The following RFTN1 variants were observed in gnomAD, a reference collection of about 807,000 sequenced individuals.
The protein encoded by RFTN1 is raftlin, lipid raft linker 1, also known as raftlin.
A neutral mutation model predicts 46.5 loss-of-function variants in RFTN1; 26 were observed. That is an observed-to-expected ratio of 0.56 (90% CI 0.41 to 0.78). RFTN1 has a LOEUF of 0.78. RFTN1 is among the 30% of genes least tolerant of loss of function. The pLI is 0.00. For synonymous variants in RFTN1, 261 were observed against 284.2 expected (o/e 0.92, Z 0.82); for missense variants, 693 against 718.7 (o/e 0.96, Z 0.41).
chr3:16,458,311 T>C lies in RFTN1; in HGVS notation c.146-24274A>G, dbSNP rs934102890. ...ATGGAAATAGATTGCTGCAGCATGT[T>C]CTGCTGTATTATTCAGGTCCAGGTA... On this transcript the variant is annotated intron_variant, in intron 2 of 9. Transcript: ENST00000334133. This position sits in a 1 kb window ranked among gnomAD's most constrained non-coding sequence, Gnocchi z 5.1. Among the ~76,000 whole-genome samples the C allele has an allele frequency of 2.6e-5, 4 of 152,228 alleles. No individual in the cohort carries two copies. Among genetic ancestry groups the C allele is most frequent in the African/African-American group, 9.6e-5 (4 of 41,456 alleles).
In RFTN1 at chr3:16,465,392, C is replaced by A. The variant is rs2076072029; in HGVS notation, c.145+28333G>T. ...TTCTCTGAGCACAGGAAAAAAATAT[C>A]CCCAACAGAGGTTGGCAGCTCAGAG... On this transcript the variant is annotated intron_variant, in intron 2 of 9. Transcript: ENST00000334133. The surrounding 1 kb of genome is among the most constrained non-coding windows in gnomAD (Gnocchi z 5.1). Among the ~76,000 whole-genome samples, 1 of 150,852 alleles carries A rather than the reference C, an allele frequency of 6.6e-6. No homozygotes were observed. Among genetic ancestry groups the A allele is most frequent in the Non-Finnish European group, 1.5e-5 (1 of 67,804 alleles).
Position 16,345,790 on chromosome 3 carries a change from G to C in RFTN1, c.1146+12142C>G, listed in dbSNP as rs1010515356. On this transcript the variant is annotated intron_variant, in intron 7 of 9. Coordinates refer to ENST00000334133, the MANE Select transcript of RFTN1 (RefSeq NM_015150.2). This position sits in a 1 kb window ranked among gnomAD's most constrained non-coding sequence, Gnocchi z 5.2. Reference sequence around the variant, plus strand: ...AGCCAAAACCTTATAATAAATCTCTGTGTGTGTGTGTGTGTGTGTGTGTGT... The same window carrying C: ...AGCCAAAACCTTATAATAAATCTCTCTGTGTGTGTGTGTGTGTGTGTGTGT... 7.8e-4 allele frequency among the ~76,000 whole-genome samples: 50 copies of C among 64,070 alleles called. 3 individuals carry two copies. The South Asian group carries it at 9.9e-3, about 13-fold the overall frequency. 42.0% of individuals were successfully genotyped at this position (64,070 alleles called of 152,430 possible). A position where few individuals can be genotyped will look rare whatever the true frequency, so the allele number is the denominator to read the frequency against.
At position 16,370,344 on chromosome 3, in the gene RFTN1, C is replaced by G; in HGVS notation, c.827-65G>C. On this transcript the variant is annotated intron_variant, in intron 5 of 9. Coordinates refer to ENST00000334133, the MANE Select transcript of RFTN1 (RefSeq NM_015150.2). The surrounding 1 kb of genome is among the most constrained non-coding windows in gnomAD (Gnocchi z 5.5). Reference sequence around the variant, plus strand: ...AACTGATGATAAAAATCTGTTTCATCGGCTTAAGTGGAATCTCTCAGGAGC... The same window carrying G: ...AACTGATGATAAAAATCTGTTTCATGGGCTTAAGTGGAATCTCTCAGGAGC... The G allele has an allele frequency of 2.0e-6, 3 of 1,478,890 alleles. No individual in the cohort carries two copies. The highest frequency in any genetic ancestry group is 2.8e-6 in the Non-Finnish European group (3 of 1,058,482). 91.6% of individuals were successfully genotyped at this position (1,478,890 alleles called of 1,614,324 possible).
chr3:16,357,833 AAGCCACAGCTG>A (rs2072550736), intron 7 of RFTN1, 88 bp downstream of exon 7: 3 of 749,574 alleles, frequency 4.0e-6, no homozygotes, highest in South Asian at 3.3e-5. Context: ...TCTCAGAAGA[AAGCCACAGCTG>A]AGCCACAGCC....
chr3:16,494,021 T>C (rs2076585517), intron 1 of RFTN1, 144 bp from the exon 2 acceptor site: 4 of 884,892 alleles, frequency 4.5e-6, no homozygotes, highest in African/African-American at 1.7e-5. Flanking sequence ...TAATTTAATA[T>C]AGGACCTGAA....
At position 16,384,689 on chromosome 3, in the gene RFTN1, T is replaced by TA. The variant is rs1189643919; in HGVS notation, c.442-6588dup. On this transcript the variant is annotated intron_variant, in intron 4 of 9. Coordinates refer to ENST00000334133, the MANE Select transcript of RFTN1 (RefSeq NM_015150.2). The surrounding 1 kb of genome is among the most constrained non-coding windows in gnomAD (Gnocchi z 4.7). ...ATGCTGGGAATCAGAAACCTACTGC[T>TA]AAAAAATAGAGAGCTGTGCTGTCCA... is the stretch of plus-strand genomic sequence containing the variant. 6.6e-6 allele frequency among the ~76,000 whole-genome samples: 1 copy of TA among 152,180 alleles called. No individual in the cohort carries two copies. Among genetic ancestry groups the TA allele is most frequent in the Non-Finnish European group, 1.5e-5 (1 of 68,034 alleles).
Position 16,370,197 on chromosome 3 carries a change from A to G in RFTN1, c.909T>C (p.His303=). 4 of 1,614,224 alleles carry G rather than the reference A, an allele frequency of 2.5e-6. No individual in the cohort carries two copies. The highest frequency in any genetic ancestry group is 3.4e-6 in the Non-Finnish European group (4 of 1,180,038). The change falls in exon 6 of 10, where the codon CAT becomes CAC. Residue 303 remains histidine, a synonymous_variant. Coordinates refer to ENST00000334133, the MANE Select transcript of RFTN1 (RefSeq NM_015150.2). This position sits in a 1 kb window ranked among gnomAD's most constrained non-coding sequence, Gnocchi z 5.5. ...TCACTGTCTGGCCATTCTTGGAGACATGGAGAGGAATGGTGACAGGGTAGT... is the reference window on the plus strand; with the variant it reads ...TCACTGTCTGGCCATTCTTGGAGACGTGGAGAGGAATGGTGACAGGGTAGT... The part of the protein sequence containing the change: ...RQYYPVTIPL[H]VSKNGQTVSG...
chr3:16,344,142 C>T lies in RFTN1; in HGVS notation c.1146+13790G>A, dbSNP rs1306768892. Among the ~76,000 whole-genome samples the T allele has an allele frequency of 6.6e-6, 1 of 152,142 alleles. No homozygotes were observed. On this transcript the variant is annotated intron_variant, in intron 7 of 9. Transcript: ENST00000334133. This position sits in a 1 kb window ranked among gnomAD's most constrained non-coding sequence, Gnocchi z 4.4. ...AATTGCTGTCAAATCAGGTATGCTT[C>T]ATTCTATATTATTGACTTTTTGGAG...
In RFTN1 at chr3:16,334,310, G is replaced by T. The variant is rs981017452; in HGVS notation, c.1147-7434C>A. Among the ~76,000 whole-genome samples the T allele has an allele frequency of 6.6e-6, 1 of 152,220 alleles. No individual in the cohort carries two copies. The highest frequency in any genetic ancestry group is 1.5e-5 in the Non-Finnish European group (1 of 68,032). On this transcript the variant is annotated intron_variant, in intron 7 of 9. Coordinates refer to ENST00000334133, the MANE Select transcript of RFTN1 (RefSeq NM_015150.2). The surrounding 1 kb of genome is among the most constrained non-coding windows in gnomAD (Gnocchi z 4.3). Reference sequence around the variant, plus strand: ...AAGCATGCGTTCTTGTACATTGCTAGTGGAAGGGCTCATTGATTCAACCCT... The same window carrying T: ...AAGCATGCGTTCTTGTACATTGCTATTGGAAGGGCTCATTGATTCAACCCT...
At chr3:16,461,052 G>C (rs1293723116) in intron 2 of RFTN1, among the ~76,000 whole-genome samples, 2 of 152,226 alleles carry the variant, frequency 1.3e-5, no homozygotes, top group African/African-American at 4.8e-5. Flanking sequence ...TGACAATATG[G>C]GCCAGTGCCA....
At chr3:16,409,178 G>A (rs889113829) in intron 4 of RFTN1, among the ~76,000 whole-genome samples, 197 bp downstream of exon 4, 1 of 152,200 alleles carries the variant, frequency 6.6e-6, no homozygotes, top group Non-Finnish European at 1.5e-5. Context: ...TGCATGCCTG[G>A]GGAGGAGGGG....
At chr3:16,437,118 A>T (rs141321255) in intron 2 of RFTN1, among the ~76,000 whole-genome samples, 2 of 152,244 alleles carry the variant, frequency 1.3e-5, no homozygotes, top group Non-Finnish European at 2.9e-5. Context: ...TTCTTCACAC[A>T]GATAGCACAT....
At chr3:16,360,021 A>G (rs2072723726) in intron 6 of RFTN1, among the ~76,000 whole-genome samples, 1 of 152,220 alleles carries the variant, frequency 6.6e-6, no homozygotes, top group East Asian at 1.9e-4. Context: ...CAACAACAAT[A>G]ACAAAAATAA....
intron 2 of RFTN1, among the ~76,000 whole-genome samples, chr3:16,436,562 A>G (rs2075519951): frequency 6.6e-6 from 1 of 152,136 alleles, no homozygotes; most frequent in African/African-American, 2.4e-5. Flanking sequence ...TTATAAAACA[A>G]TTCTCTTGTG....
intron 2 of RFTN1, among the ~76,000 whole-genome samples, chr3:16,456,866 G>A (rs1354026537): frequency 6.6e-6 from 1 of 152,150 alleles, no homozygotes; most frequent in Non-Finnish European, 1.5e-5. Context: ...GGGGTCCCCA[G>A]ACCACTCTGA....
At position 16,498,860 on chromosome 3, in the gene RFTN1, C is replaced by T. The variant is rs985702054; in HGVS notation, c.-8-4983G>A. Among the ~76,000 whole-genome samples, 1 of 152,034 alleles carries T rather than the reference C, an allele frequency of 6.6e-6. No homozygotes were observed. The highest frequency in any genetic ancestry group is 2.4e-5 in the African/African-American group (1 of 41,322). On this transcript the variant is annotated intron_variant, in intron 1 of 9. Transcript: ENST00000334133. This position sits in a 1 kb window ranked among gnomAD's most constrained non-coding sequence, Gnocchi z 5.2. ...CTCAAAACAAGTCAGAAAAATCTAG[C>T]TTATAAAAAGTAGGAAAAATCAGCT...
At chr3:16,423,193 G>A (rs185333558) in intron 3 of RFTN1, among the ~76,000 whole-genome samples, 1 of 151,724 alleles carries the variant, frequency 6.6e-6, no homozygotes, top group African/African-American at 2.4e-5. Flanking sequence ...TAGACTCCCT[G>A]TCTTACTCCC....
intron 2 of RFTN1, among the ~76,000 whole-genome samples, chr3:16,456,206 G>T (rs1432003510): frequency 1.3e-5 from 2 of 152,140 alleles, no homozygotes; most frequent in Admixed American, 6.5e-5. Context: ...ATGCAGCCGG[G>T]TTCTAATCAC....
intron 6 of RFTN1, among the ~76,000 whole-genome samples, chr3:16,359,270 G>A (rs1423480644): frequency 1.3e-5 from 2 of 152,102 alleles, no homozygotes; most frequent in Non-Finnish European, 2.9e-5. Flanking sequence ...TGGGATTATG[G>A]ACAATCTCTC....
Sources: gnomAD v4.1 joint callset for allele counts (sites outside exome capture counted in the v4.1 genomes callset) on GRCh38, gnomAD v4.1.1 for gene constraint, Gnocchi (gnomAD v3.1) non-coding constraint, MANE v1.5 for transcripts, NCBI Gene and HGNC (gene_info 2026-07-23, HGNC 2026-07-21) for gene names.